KCNK10: variants seen among roughly 807,000 people sequenced by gnomAD.
KCNK10 encodes potassium two pore domain channel subfamily K member 10, also known as potassium channel subfamily K member 10.
A neutral mutation model predicts 47.7 loss-of-function variants in KCNK10; 25 were observed. The observed-to-expected ratio is 0.52, with a 90% CI of 0.38 to 0.73. The LOEUF (loss-of-function observed/expected upper bound fraction) is 0.73, where lower values mean the gene tolerates loss of function less well. KCNK10 is among the 30% of genes least tolerant of loss of function. The pLI, the probability that KCNK10 is intolerant of heterozygous loss-of-function variation, is 0.00. For missense variants in KCNK10, 563 were observed against 714.5 expected, an observed-to-expected ratio of 0.79 and a Z score of 2.42; for synonymous variants, 303 against 285.6, an observed-to-expected ratio of 1.06 and a Z score of -0.61.
intron 1 of KCNK10, among the ~76,000 whole-genome samples, chr14:88,290,793 A>T (rs1396165370): frequency 6.6e-6 from 1 of 152,242 alleles, no homozygotes; most frequent in African/African-American, 2.4e-5. Flanking sequence ...GGCCACAAGG[A>T]AACAACAAAA....
chr14:88,236,664 A>G (rs1424175192), intron 3 of KCNK10, among the ~76,000 whole-genome samples: 1 of 152,258 alleles, frequency 6.6e-6, no homozygotes, highest in Non-Finnish European at 1.5e-5. Flanking sequence ...TCAGACCACC[A>G]CAATAAAATG....
In KCNK10 at chr14:88,322,009, C is replaced by T. The variant is rs927338743; in HGVS notation, c.52+738G>A. On this transcript the variant is annotated intron_variant, in intron 1 of 6. Coordinates refer to ENST00000319231, the MANE Select transcript of KCNK10 (RefSeq NM_138317.3). This position sits in a 1 kb window ranked among gnomAD's most constrained non-coding sequence, Gnocchi z 4.8. ...AGGCACACACAAATCCGTCTTAATC[C>T]CTCCCTTTTGCGTGGATGAAACCTG... Among the ~76,000 whole-genome samples the T allele has an allele frequency of 6.6e-6, 1 of 152,170 alleles. No individual in the cohort carries two copies. Among genetic ancestry groups the T allele is most frequent in the African/African-American group, 2.4e-5 (1 of 41,434 alleles).
At chr14:88,292,290 A>G (rs1413601349) in intron 1 of KCNK10, among the ~76,000 whole-genome samples, 1 of 152,188 alleles carries the variant, frequency 6.6e-6, no homozygotes. Context: ...GCTGATCTGC[A>G]GTGTCTCAGG....
At chr14:88,316,376 T>A (rs977109890) in intron 1 of KCNK10, among the ~76,000 whole-genome samples, 4 of 152,088 alleles carry the variant, frequency 2.6e-5, no homozygotes, top group African/African-American at 9.7e-5. Context: ...TTCTAGCAAG[T>A]AAATATGAGG....
Position 88,199,963 on chromosome 14 carries a change from C to G in KCNK10, c.682-7553G>C, listed in dbSNP as rs186835640. The stretch of plus-strand genomic sequence containing the variant: ...GCCCTTCCCAATAGACAGTTTCTTT[C>G]TTTCTTTCTCTTTCTTTCTTTCTTT... On this transcript the variant is annotated intron_variant, in intron 4 of 6. Coordinates refer to ENST00000319231, the MANE Select transcript of KCNK10 (RefSeq NM_138317.3). Among the ~76,000 whole-genome samples, 787 of 152,070 alleles carry G rather than the reference C, an allele frequency of 5.2e-3. 6 individuals are homozygous for G. The highest frequency in any genetic ancestry group is 6.8e-3 in the Admixed American group (104 of 15,284).
At chr14:88,295,181 C>T (rs1887961490) in intron 1 of KCNK10, among the ~76,000 whole-genome samples, 1 of 152,164 alleles carries the variant, frequency 6.6e-6, no homozygotes, top group African/African-American at 2.4e-5. Flanking sequence ...GAGATTATTT[C>T]CCCTAAATTA....
chr14:88,275,802 G>T (rs547481910), intron 1 of KCNK10, among the ~76,000 whole-genome samples: 1 of 152,072 alleles, frequency 6.6e-6, no homozygotes, highest in Non-Finnish European at 1.5e-5. Flanking sequence ...AGGAGGTGGA[G>T]GTTGGAGTGA....
chr14:88,192,101 T>C, intron 5 of KCNK10, 123 bp downstream of exon 5: 3 of 867,622 alleles, frequency 3.5e-6, no homozygotes, highest in Non-Finnish European at 5.4e-6. Context: ...TTCACAGCAG[T>C]AGTGACACTG....
chr14:88,185,262 A>C lies in KCNK10; in HGVS notation c.*273T>G, dbSNP rs1884503531. On this transcript the variant is annotated 3_prime_UTR_variant, in exon 7 of 7. Transcript: ENST00000319231. This position sits in a 1 kb window ranked among gnomAD's most constrained non-coding sequence, Gnocchi z 4.3. ...CACTGCCCAGGGGTACAGCACTGCC[A>C]CTGAAATGCCCTTAACATGTACGGC... 2.4e-6 allele frequency: 1 copy of C among 419,838 alleles called. No homozygotes were observed. The highest frequency in any genetic ancestry group is 4.3e-6 in the Non-Finnish European group (1 of 232,258). The allele number at this position is 419,838 out of a possible 1,614,324, so 26.0% of individuals were successfully genotyped here. A position where few individuals can be genotyped will look rare whatever the true frequency, so the allele number is the denominator to read the frequency against.
intron 6 of KCNK10, among the ~76,000 whole-genome samples, chr14:88,187,697 C>G (rs1884615486): frequency 6.6e-6 from 1 of 150,688 alleles, no homozygotes; most frequent in Non-Finnish European, 1.5e-5. Context: ...TTAAAATCAG[C>G]TGTTGTTTAC....
chr14:88,259,096 C>T (rs532186393), intron 2 of KCNK10, among the ~76,000 whole-genome samples: 9 of 152,124 alleles, frequency 5.9e-5, no homozygotes, highest in African/African-American at 2.2e-4. Flanking sequence ...CACTGAAAAC[C>T]CTTCCAGATG....
At chr14:88,272,908 C>T (rs1456374652) in intron 1 of KCNK10, among the ~76,000 whole-genome samples, 4 of 152,072 alleles carry the variant, frequency 2.6e-5, no homozygotes, top group Non-Finnish European at 5.9e-5. Flanking sequence ...AGAAAGGAGG[C>T]GTCTGGGATG....
intron 1 of KCNK10, among the ~76,000 whole-genome samples, chr14:88,273,533 C>T (rs772887528): frequency 2.0e-5 from 3 of 152,154 alleles, no homozygotes; most frequent in South Asian, 2.1e-4. Flanking sequence ...TCTCACCCTC[C>T]GACCCAGGGC....
rs1887081218 is a variant in KCNK10 at position 88,260,525 on chromosome 14, A to G, written c.402+2677T>C. On this transcript the variant is annotated intron_variant, in intron 2 of 6. Transcript: ENST00000319231. This position sits in a 1 kb window ranked among gnomAD's most constrained non-coding sequence, Gnocchi z 4.5. ...TTTAAAAGAGACTGGAGCTTATTAT[A>G]AACCAAGATCTACTTAAAGGGCCTG... Among the ~76,000 whole-genome samples the G allele has an allele frequency of 6.6e-6, 1 of 152,234 alleles. No homozygotes were observed. The highest frequency in any genetic ancestry group is 1.5e-5 in the Non-Finnish European group (1 of 68,040).
intron 4 of KCNK10, among the ~76,000 whole-genome samples, chr14:88,226,302 C>T (rs1413054833): frequency 6.6e-6 from 1 of 152,158 alleles, no homozygotes; most frequent in Non-Finnish European, 1.5e-5. Context: ...GCCTCTGAAA[C>T]TGCTCATCTG....
chr14:88,293,774 G>A (rs896894471), intron 1 of KCNK10, among the ~76,000 whole-genome samples: 3 of 151,850 alleles, frequency 2.0e-5, no homozygotes, highest in African/African-American at 7.3e-5. Flanking sequence ...CTCCTGGGCT[G>A]AAGCGATCCT....
chr14:88,278,118 T>C (rs411251), intron 1 of KCNK10, among the ~76,000 whole-genome samples: 76,058 of 151,994 alleles, frequency 0.5, 20,068 homozygotes, highest in African/African-American at 0.66. Context: ...GCTGGCGGTA[T>C]CTTCACCTCC....
chr14:88,198,475 T>A (rs1450619966), intron 4 of KCNK10, among the ~76,000 whole-genome samples: 1 of 152,210 alleles, frequency 6.6e-6, no homozygotes, highest in African/African-American at 2.4e-5. Flanking sequence ...TCCACCATCA[T>A]AAACAGAAGC....
upstream of KCNK10, among the ~76,000 whole-genome samples, chr14:88,324,415 T>A (rs981190316): frequency 6.6e-6 from 1 of 152,196 alleles, no homozygotes; most frequent in African/African-American, 2.4e-5. Flanking sequence ...GCTCAAGAAA[T>A]ACTTGCTAAA....
Sources: allele counts gnomAD v4.1 joint callset (sites outside exome capture counted in the v4.1 genomes callset), GRCh38; gene constraint gnomAD v4.1.1; non-coding constraint Gnocchi (gnomAD v3.1); transcripts MANE v1.5; gene names NCBI Gene and HGNC (gene_info 2026-07-23, HGNC 2026-07-21).